The following CACNB2 variants were observed in gnomAD, a reference collection of about 807,000 sequenced individuals.
CACNB2 encodes the protein calcium voltage-gated channel auxiliary subunit beta 2.
A neutral mutation model predicts 73.3 loss-of-function variants in CACNB2; 42 were observed. That is an observed-to-expected ratio of 0.57 (90% CI 0.45 to 0.74). The LOEUF is 0.74. Among genes scored for constraint, CACNB2 ranks in the 30% least tolerant of loss-of-function variants. The pLI is 0.00. For synonymous variants in CACNB2, 348 were observed against 310.3 expected, an observed-to-expected ratio of 1.12 and a Z score of -1.28; for missense variants, 940 against 853.0, an observed-to-expected ratio of 1.10 and a Z score of -1.27.
chr10:18,205,694 G>T (rs1294283373), intron 2 of CACNB2, among the ~76,000 whole-genome samples: 1 of 152,138 alleles, frequency 6.6e-6, no homozygotes, highest in Non-Finnish European at 1.5e-5. Flanking sequence ...AATTGGATGG[G>T]GTCCTTGGCC....
At chr10:18,153,416 A>G (rs1281219893) in intron 2 of CACNB2, among the ~76,000 whole-genome samples, 1 of 152,080 alleles carries the variant, frequency 6.6e-6, no homozygotes, top group African/African-American at 2.4e-5. Flanking sequence ...TTTAATCTCT[A>G]TTCTGTTAAA....
intron 2 of CACNB2, among the ~76,000 whole-genome samples, chr10:18,377,946 A>T (rs2042868302): frequency 6.6e-6 from 1 of 152,196 alleles, no homozygotes; most frequent in East Asian, 1.9e-4. Flanking sequence ...TATAATTATG[A>T]TAGACACAGG....
At chr10:18,330,715 C>T (rs1471225506) in intron 2 of CACNB2, among the ~76,000 whole-genome samples, 1 of 152,032 alleles carries the variant, frequency 6.6e-6, no homozygotes, top group Admixed American at 6.6e-5. Context: ...GTTGCCCAGG[C>T]TGGAGTGCAG....
chr10:18,517,643 C>G (rs2051412351), intron 7 of CACNB2, among the ~76,000 whole-genome samples: 1 of 152,136 alleles, frequency 6.6e-6, no homozygotes, highest in Admixed American at 6.5e-5. Flanking sequence ...GACACATAAA[C>G]CTTACCTTTG....
At chr10:18,451,382 A>C (rs2047013893) in intron 3 of CACNB2, among the ~76,000 whole-genome samples, 1 of 152,176 alleles carries the variant, frequency 6.6e-6, no homozygotes, top group Non-Finnish European at 1.5e-5. Flanking sequence ...GTCACCTCCC[A>C]CCTGGCCCCT....
intron 2 of CACNB2, among the ~76,000 whole-genome samples, chr10:18,249,255 G>A (rs189611134): frequency 1.3e-5 from 2 of 152,216 alleles, no homozygotes; most frequent in African/African-American, 4.8e-5. Flanking sequence ...GAGTCTATCT[G>A]AGCCAACCAC....
chr10:18,406,875 A>C (rs1202526911), intron 3 of CACNB2, among the ~76,000 whole-genome samples: 1 of 152,164 alleles, frequency 6.6e-6, no homozygotes, highest in African/African-American at 2.4e-5. Context: ...GAAGTAAAGA[A>C]GAGAGAAATG....
chr10:18,506,837 T>C (rs1346258882), intron 6 of CACNB2, among the ~76,000 whole-genome samples: 2 of 152,238 alleles, frequency 1.3e-5, no homozygotes, highest in Non-Finnish European at 2.9e-5. Context: ...TCTCACTCTA[T>C]TGCCCACGCT....
rs984528752 is a variant in CACNB2, at chr10:18,204,779, A to T, written c.213+53804A>T. Among the ~76,000 whole-genome samples the T allele has an allele frequency of 9.8e-5, 15 of 152,344 alleles. No individual in the cohort carries two copies. In the South Asian group the frequency reaches 3.1e-3, roughly 32 times the overall value. ...CCAGACAAACAGCCTAGAATACAGT[A>T]AACATTCAAAAGTACTTGTTGAGTA... On this transcript the variant is annotated intron_variant, in intron 2 of 13. Coordinates refer to ENST00000324631, the MANE Select transcript of CACNB2 (RefSeq NM_201596.3).
At chr10:18,500,389 A>G (rs1057302666) in intron 4 of CACNB2, among the ~76,000 whole-genome samples, 1 of 152,218 alleles carries the variant, frequency 6.6e-6, no homozygotes, top group Non-Finnish European at 1.5e-5. Context: ...TGTGACATGA[A>G]ATATTTAAGG....
At chr10:18,236,868 G>A (rs75271299) in intron 2 of CACNB2, among the ~76,000 whole-genome samples, 3,275 of 152,136 alleles carry the variant, frequency 0.022, 66 homozygotes, top group African/African-American at 0.047. Context: ...CTCCTTTGGG[G>A]GACTGTTTCA....
At chr10:18,379,645 A>G (rs764414741) in intron 2 of CACNB2, among the ~76,000 whole-genome samples, 1 of 152,000 alleles carries the variant, frequency 6.6e-6, no homozygotes, top group Non-Finnish European at 1.5e-5. Context: ...TTAAGCACTA[A>G]CTCTCCATTC....
At chr10:18,433,873 TTTGTTGTTGTTGTTG>T (rs143561512) in intron 3 of CACNB2, among the ~76,000 whole-genome samples, 23,601 of 149,962 alleles carry the variant, frequency 0.16, 2,125 homozygotes, top group East Asian at 0.26. Flanking sequence ...TAAATCAGAT[TTTGTTGTTGTTGTTG>T]TTGTTGTTGT....
intron 2 of CACNB2, among the ~76,000 whole-genome samples, chr10:18,159,029 TCCTC>T (rs1327249897): frequency 6.6e-6 from 1 of 152,126 alleles, no homozygotes; most frequent in African/African-American, 2.4e-5. Flanking sequence ...TTCTCTCTCT[TCCTC>T]CCTCCCTCCC....
chr10:18,183,071 T>C (rs2033970901), intron 2 of CACNB2, among the ~76,000 whole-genome samples: 2 of 152,066 alleles, frequency 1.3e-5, no homozygotes, highest in African/African-American at 4.8e-5. Flanking sequence ...GGCAGACCTG[T>C]TGGAATCCTC....
intron 2 of CACNB2, among the ~76,000 whole-genome samples, chr10:18,233,129 A>G (rs1199953588): frequency 1.3e-5 from 2 of 152,208 alleles, no homozygotes; most frequent in African/African-American, 4.8e-5. Flanking sequence ...ACATAGATGT[A>G]TTCCTCACAC....
chr10:18,346,992 C>G (rs923786974), intron 2 of CACNB2, among the ~76,000 whole-genome samples: 1 of 152,046 alleles, frequency 6.6e-6, no homozygotes, highest in African/African-American at 2.4e-5. Context: ...CAAAATAGAC[C>G]TGCTGCTGTC....
At chr10:18,300,241 C>G (rs1204719489) in intron 2 of CACNB2, among the ~76,000 whole-genome samples, 1 of 152,096 alleles carries the variant, frequency 6.6e-6, no homozygotes, top group East Asian at 1.9e-4. Flanking sequence ...AGGCTGGTCT[C>G]AAACTCCTGA....
intron 3 of CACNB2, among the ~76,000 whole-genome samples, chr10:18,464,418 T>TAAAAAAAAAAAAAAAAAAAAAAAAAAAAA (rs762982462): frequency 5.9e-5 from 5 of 85,300 alleles, no homozygotes; most frequent in East Asian, 4.0e-4. Context: ...TCTCAAAAAT[T>TAAAAAAAAAAAAAAAAAAAAAAAAAAAAA]AAAAAAAAAA....
Sources: allele counts gnomAD v4.1 joint callset (sites outside exome capture counted in the v4.1 genomes callset), GRCh38; gene constraint gnomAD v4.1.1; transcripts MANE v1.5; gene names NCBI Gene and HGNC (gene_info 2026-07-23, HGNC 2026-07-21).